RAB31: variants seen among roughly 807,000 people sequenced by gnomAD.
RAB31 encodes the protein ras-related protein Rab-31.
RAB31 carries 21 observed loss-of-function variants against 25.6 expected under a neutral mutation model. The ratio of observed to expected loss-of-function variants is 0.82; its 90% CI spans 0.58 to 1.18. RAB31 has a LOEUF of 1.18. Among genes scored for constraint, RAB31 ranks in the 50% most tolerant of loss-of-function variants. The pLI, the probability that RAB31 is intolerant of heterozygous loss-of-function variation, is 0.00. For synonymous variants in RAB31, 87 were observed against 84.0 expected (o/e 1.04, Z -0.20); for missense variants, 196 against 250.1 (o/e 0.78, Z 1.46).
At position 9,786,593 on chromosome 18, in the gene RAB31, T is replaced by C. The variant is rs568870042; in HGVS notation, c.120-5561T>C. Among the ~76,000 whole-genome samples the C allele has an allele frequency of 3.3e-5, 5 of 152,318 alleles. No homozygotes were observed. The South Asian group carries it at 8.3e-4, about 25-fold the overall frequency. The stretch of plus-strand genomic sequence containing the variant: ...CAGGGAGAGAGTGTCAGAATTGAAT[T>C]GGAGGACACCTAGCTGGTATCTGCT... On this transcript the variant is annotated intron_variant, in intron 2 of 6. Transcript: ENST00000578921.
At chr18:9,830,594 G>T (rs1469939578) in intron 5 of RAB31, 1 of 152,202 alleles carries the variant, frequency 6.6e-6, no homozygotes, top group Non-Finnish European at 1.5e-5. Context: ...CTCCTGAGTA[G>T]CTAGGACTGC....
intron 6 of RAB31, among the ~76,000 whole-genome samples, chr18:9,849,303 T>C (rs2068776948): frequency 6.6e-6 from 1 of 152,196 alleles, no homozygotes; most frequent in Admixed American, 6.5e-5. Flanking sequence ...TGGGAGCTTG[T>C]CTTTTGTATT....
At chr18:9,858,605 A>C (rs1020000974) in intron 6 of RAB31, among the ~76,000 whole-genome samples, 1 of 152,156 alleles carries the variant, frequency 6.6e-6, no homozygotes, top group Non-Finnish European at 1.5e-5. Context: ...ATAATTTTTA[A>C]AATTAAGTTA....
intron 1 of RAB31, among the ~76,000 whole-genome samples, chr18:9,728,853 T>A (rs2864782): frequency 0.7 from 107,062 of 152,114 alleles, 38,102 homozygotes; most frequent in African/African-American, 0.76. Context: ...ATATAATAAA[T>A]TTTTTTATTT....
chr18:9,836,127 G>A (rs887162863), intron 5 of RAB31, among the ~76,000 whole-genome samples: 2 of 152,110 alleles, frequency 1.3e-5, no homozygotes, highest in East Asian at 1.9e-4. Context: ...CCCGCTCACC[G>A]CTGCTGTGCT....
At chr18:9,812,369 A>G (rs1250298520) in intron 3 of RAB31, among the ~76,000 whole-genome samples, 7 of 152,310 alleles carry the variant, frequency 4.6e-5, no homozygotes, top group Non-Finnish European at 7.3e-5. Flanking sequence ...GCTGGGTCAA[A>G]TGGGACACAC....
intron 1 of RAB31, among the ~76,000 whole-genome samples, chr18:9,771,071 T>A (rs1046081710): frequency 2.6e-5 from 4 of 152,076 alleles, no homozygotes; most frequent in Non-Finnish European, 1.5e-5. Flanking sequence ...CTGGAGAGGC[T>A]GAAGCGAGAG....
chr18:9,792,605 C>T (rs2068466657), intron 3 of RAB31, among the ~76,000 whole-genome samples: 1 of 152,218 alleles, frequency 6.6e-6, no homozygotes, highest in Non-Finnish European at 1.5e-5. Context: ...CACCTACCTT[C>T]AGCCTTTTTA....
intron 1 of RAB31, among the ~76,000 whole-genome samples, chr18:9,718,718 T>A (rs138532825): frequency 1.8e-3 from 271 of 152,282 alleles, no homozygotes; most frequent in African/African-American, 6.2e-3. Context: ...AAGTCCACCA[T>A]CAGGGTGCCA....
chr18:9,735,403 C>G (rs1383797150), intron 1 of RAB31: 1 of 217,992 alleles, frequency 4.6e-6, no homozygotes, highest in Non-Finnish European at 9.8e-6. Context: ...TGGGCTGAAG[C>G]TCTGTTTCCT....
chr18:9,817,390 A>G (rs560833200), intron 5 of RAB31, among the ~76,000 whole-genome samples: 1 of 152,314 alleles, frequency 6.6e-6, no homozygotes, highest in East Asian at 1.9e-4. Flanking sequence ...AGGGGAATTT[A>G]TTGGAAGATA....
chr18:9,737,292 T>TA, intron 1 of RAB31, among the ~76,000 whole-genome samples: 2 of 152,254 alleles, frequency 1.3e-5, no homozygotes, highest in South Asian at 4.1e-4. Flanking sequence ...CATGCCTCTG[T>TA]AGCAGGTGAC....
chr18:9,856,372 T>A (rs1299772099), intron 6 of RAB31: 1 of 152,194 alleles, frequency 6.6e-6, no homozygotes, highest in African/African-American at 2.4e-5. Flanking sequence ...CAGACCTTCC[T>A]GGCATCCTAC....
chr18:9,806,069 C>T (rs369201267), intron 3 of RAB31, among the ~76,000 whole-genome samples: 78 of 151,898 alleles, frequency 5.1e-4, no homozygotes, highest in African/African-American at 1.5e-3. Flanking sequence ...CCCAGCTACT[C>T]GGGAGGCTGA....
At chr18:9,782,082 A>G (rs985854503) in intron 2 of RAB31, among the ~76,000 whole-genome samples, 26 of 152,082 alleles carry the variant, frequency 1.7e-4, no homozygotes, top group African/African-American at 5.1e-4. Flanking sequence ...AGCCGGTGCC[A>G]CTCCGCATGG....
intron 5 of RAB31, among the ~76,000 whole-genome samples, chr18:9,822,452 ATAAAT>A (rs796532087): frequency 9.2e-5 from 14 of 152,312 alleles, no homozygotes; most frequent in African/African-American, 3.4e-4. Context: ...GGAAATACTG[ATAAAT>A]TAGACACCCT....
At chr18:9,759,739 A>T (rs188174640) in intron 1 of RAB31, among the ~76,000 whole-genome samples, 1 of 152,162 alleles carries the variant, frequency 6.6e-6, no homozygotes. Context: ...GTTTCCATAC[A>T]TGGTCGGGCC....
chr18:9,845,682 C>G lies in RAB31; in HGVS notation c.481C>G (p.Gln161Glu), dbSNP rs867138944. Residue 161 changes from glutamine to glutamate, a missense_variant, in exon 6 of 7, where the codon CAA (glutamine) becomes GAA (glutamate). By Grantham distance (29) the Gln-to-Glu change is conservative. Transcript: ENST00000578921. Reference protein sequence around the residue: ...KNAINIEELFQGISRQIPPLD... With the variant: ...KNAINIEELFEGISRQIPPLD... Reference sequence around the variant, plus strand: ...TGCTATTAATATCGAAGAGCTCTTTCAAGGAATCAGTAAGTACCTGAAATT... The same window carrying G: ...TGCTATTAATATCGAAGAGCTCTTTGAAGGAATCAGTAAGTACCTGAAATT... The G allele has an allele frequency of 1.9e-6, 3 of 1,552,262 alleles. No individual in the cohort carries two copies. The African/African-American group carries it at 4.1e-5, about 21-fold the overall frequency.
At chr18:9,827,506 C>T (rs189311365) in intron 5 of RAB31, among the ~76,000 whole-genome samples, 52 of 152,160 alleles carry the variant, frequency 3.4e-4, no homozygotes, top group Admixed American at 1.5e-3. Flanking sequence ...GAATACAACC[C>T]AGGAGATGCT....
Sources: allele counts gnomAD v4.1 joint callset (sites outside exome capture counted in the v4.1 genomes callset), GRCh38; gene constraint gnomAD v4.1.1; transcripts MANE v1.5; gene names NCBI Gene and HGNC (gene_info 2026-07-23, HGNC 2026-07-21).